Variants in PTPRD observed in about 807,000 individuals in gnomAD.
The protein encoded by PTPRD is receptor-type tyrosine-protein phosphatase delta.
A neutral mutation model predicts 214.5 loss-of-function variants in PTPRD; 34 were observed. The ratio of observed to expected loss-of-function variants is 0.16; its 90% CI spans 0.12 to 0.21. PTPRD has a LOEUF of 0.21. Ranked by LOEUF, PTPRD falls within the 10% of genes least tolerant of loss-of-function variation. The probability of loss-of-function intolerance (pLI) is 1.00; values close to 1 mark genes in which losing one functional copy is unlikely to be tolerated. For synonymous variants in PTPRD, 1,128 were observed against 845.7 expected (o/e 1.33, Z -5.79); for missense variants, 2,545 against 2,398.7 (o/e 1.06, Z -1.27).
intron 7 of PTPRD, among the ~76,000 whole-genome samples, chr9:9,621,516 G>A (rs940852225): frequency 5.9e-5 from 9 of 152,164 alleles, no homozygotes; most frequent in African/African-American, 2.2e-4. Flanking sequence ...AACTTTAAGC[G>A]ATGAGGCTGC....
chr9:8,482,629 T>G (rs772247580), intron 30 of PTPRD, among the ~76,000 whole-genome samples: 1 of 152,202 alleles, frequency 6.6e-6, no homozygotes, highest in Non-Finnish European at 1.5e-5. Context: ...TGGAATTTTA[T>G]TATGTATTAT....
At chr9:8,888,243 T>C (rs2098508241) in intron 11 of PTPRD, among the ~76,000 whole-genome samples, 1 of 152,196 alleles carries the variant, frequency 6.6e-6, no homozygotes. Flanking sequence ...CATCAAGTAC[T>C]ATGTGAAAGT....
At chr9:9,811,551 T>TA (rs1421431817) in intron 5 of PTPRD, among the ~76,000 whole-genome samples, 1 of 151,682 alleles carries the variant, frequency 6.6e-6, no homozygotes, top group Non-Finnish European at 1.5e-5. Flanking sequence ...ACTAAAAATA[T>TA]AAAAAATTAG....
At chr9:8,469,553 T>C (rs1392820363) in intron 31 of PTPRD, among the ~76,000 whole-genome samples, 2 of 152,062 alleles carry the variant, frequency 1.3e-5, no homozygotes, top group African/African-American at 4.8e-5. Flanking sequence ...GCAAGTAAAA[T>C]CATGTTTGGC....
chr9:9,431,717 T>C (rs912801562), intron 8 of PTPRD, among the ~76,000 whole-genome samples: 3 of 152,070 alleles, frequency 2.0e-5, no homozygotes, highest in African/African-American at 7.2e-5. Flanking sequence ...TGGAATACTA[T>C]GCAGCCGTAA....
intron 9 of PTPRD, among the ~76,000 whole-genome samples, chr9:9,206,656 G>T (rs2099945046): frequency 6.6e-6 from 1 of 152,216 alleles, no homozygotes; most frequent in Non-Finnish European, 1.5e-5. Context: ...CAGACTTGCT[G>T]AGTCTTCCTG....
intron 12 of PTPRD, among the ~76,000 whole-genome samples, chr9:8,720,639 A>G (rs1306275393): frequency 6.6e-6 from 1 of 152,236 alleles, no homozygotes; most frequent in Admixed American, 6.5e-5. Context: ...AAATCATTTT[A>G]TAGTGAAACA....
intron 10 of PTPRD, among the ~76,000 whole-genome samples, chr9:9,181,361 G>T (rs1889820): frequency 0.66 from 99,415 of 151,566 alleles, 33,032 homozygotes; most frequent in South Asian, 0.84. Context: ...CTGACTGTGT[G>T]CTATGATTCA....
At chr9:10,600,569 T>C (rs541595740) in intron 2 of PTPRD, among the ~76,000 whole-genome samples, 84 of 151,800 alleles carry the variant, frequency 5.5e-4, no homozygotes, top group Non-Finnish European at 1.0e-3. Context: ...AGCTCCAGGA[T>C]GGTGAGCCAA....
At chr9:8,758,023 C>G (rs1422025905) in intron 11 of PTPRD, among the ~76,000 whole-genome samples, 2 of 152,196 alleles carry the variant, frequency 1.3e-5, no homozygotes, top group African/African-American at 2.4e-5. Flanking sequence ...GCTCTGGAGA[C>G]AATTCCTGAC....
chr9:9,523,516 T>C (rs980423817), intron 8 of PTPRD, among the ~76,000 whole-genome samples: 1 of 151,532 alleles, frequency 6.6e-6, no homozygotes, highest in Admixed American at 6.6e-5. Flanking sequence ...TTTATCTAAC[T>C]CCTGTTCTAT....
intron 9 of PTPRD, among the ~76,000 whole-genome samples, chr9:9,367,446 T>C (rs2058184663): frequency 6.6e-6 from 1 of 151,702 alleles, no homozygotes; most frequent in Non-Finnish European, 1.5e-5. Flanking sequence ...TTATATTGTA[T>C]TTAGTGAAAT....
At chr9:8,934,289 T>C (rs1010143955) in intron 11 of PTPRD, among the ~76,000 whole-genome samples, 3 of 148,954 alleles carry the variant, frequency 2.0e-5, no homozygotes, top group African/African-American at 7.4e-5. Context: ...CTAAATTCAG[T>C]TCCAACTTGA....
At position 8,663,896 on chromosome 9, in the gene PTPRD, T is replaced by TAA. The variant is rs58779294; in HGVS notation, c.65-27054_65-27053dup. 3.1e-3 allele frequency among the ~76,000 whole-genome samples: 451 copies of TAA among 145,246 alleles called. 2 individuals are homozygous for TAA. Among genetic ancestry groups the TAA allele is most frequent in the African/African-American group, 0.01 (422 of 40,216 alleles). On this transcript the variant is annotated intron_variant, in intron 12 of 45. Coordinates refer to ENST00000381196, the MANE Select transcript of PTPRD (RefSeq NM_002839.4). ...TACCAATTAAGTCTTCAAAGTGCAT[T>TAA]AAAAAAAAAAAAGCAAGCTTAAATA...
intron 7 of PTPRD, among the ~76,000 whole-genome samples, chr9:9,601,751 T>C (rs1283873799): frequency 5.9e-5 from 9 of 152,076 alleles, no homozygotes; most frequent in Non-Finnish European, 1.0e-4. Flanking sequence ...AAGATCATTG[T>C]TCTGGTGGAA....
Position 9,697,486 on chromosome 9 carries a change from T to A in PTPRD, c.-287+37047A>T, listed in dbSNP as rs551290732. On this transcript the variant is annotated intron_variant, in intron 7 of 45. Coordinates refer to ENST00000381196, the MANE Select transcript of PTPRD (RefSeq NM_002839.4). The stretch of plus-strand genomic sequence containing the variant: ...TTCAGAGTTTTCATTTTTTTAAATT[T>A]CAACATTTTTGCATGTTTTCCCACT... Among the ~76,000 whole-genome samples, 7 of 152,210 alleles carry A rather than the reference T, an allele frequency of 4.6e-5. No individual in the cohort carries two copies. In the South Asian group the frequency reaches 1.5e-3, roughly 32 times the overall value.
chr9:10,477,391 C>T (rs557315331), intron 2 of PTPRD, among the ~76,000 whole-genome samples: 68 of 152,268 alleles, frequency 4.5e-4, no homozygotes, highest in African/African-American at 1.6e-3. Context: ...AGCTCATCAT[C>T]AGTGGTCATC....
intron 2 of PTPRD, among the ~76,000 whole-genome samples, chr9:10,381,938 T>C (rs1416506393): frequency 6.6e-6 from 1 of 151,946 alleles, no homozygotes; most frequent in Non-Finnish European, 1.5e-5. Flanking sequence ...ATATATTTAA[T>C]TTATATAAAA....
At chr9:9,483,336 C>A (rs2095495943) in intron 8 of PTPRD, among the ~76,000 whole-genome samples, 1 of 152,064 alleles carries the variant, frequency 6.6e-6, no homozygotes, top group Non-Finnish European at 1.5e-5. Context: ...TTACAGAATA[C>A]AATTTAGAGT....
Sources: allele counts gnomAD v4.1 joint callset (sites outside exome capture counted in the v4.1 genomes callset), GRCh38; gene constraint gnomAD v4.1.1; transcripts MANE v1.5; gene names NCBI Gene and HGNC (gene_info 2026-07-23, HGNC 2026-07-21).